Variants in CALCR observed in about 807,000 individuals in gnomAD.
CALCR encodes the protein calcitonin receptor.
A neutral mutation model predicts 59.5 loss-of-function variants in CALCR; 47 were observed. The ratio of observed to expected loss-of-function variants is 0.79; its 90% CI spans 0.63 to 1.01. The LOEUF (loss-of-function observed/expected upper bound fraction) is 1.01. Ranked by LOEUF, CALCR falls within the 50% of genes least tolerant of loss-of-function variation. The pLI is 0.00. For missense variants in CALCR, 566 were observed against 597.1 expected (o/e 0.95, Z 0.54); for synonymous variants, 213 against 211.3 (o/e 1.01, Z -0.07).
chr7:93,452,394 G>C (rs1414845652), intron 8 of CALCR, among the ~76,000 whole-genome samples: 3 of 151,920 alleles, frequency 2.0e-5, no homozygotes, highest in Non-Finnish European at 2.9e-5. Context: ...CAGTTCAGTT[G>C]ATAAACTAAG....
At chr7:93,475,493 C>A (rs948971594) in intron 5 of CALCR, among the ~76,000 whole-genome samples, 3 of 150,954 alleles carry the variant, frequency 2.0e-5, no homozygotes, top group African/African-American at 7.3e-5. Flanking sequence ...AGCTTACTTG[C>A]AATTTTTAAA....
intron 2 of CALCR, among the ~76,000 whole-genome samples, chr7:93,505,300 T>G (rs1025883208): frequency 1.4e-4 from 22 of 152,188 alleles, no homozygotes; most frequent in African/African-American, 5.3e-4. Flanking sequence ...AGGAAGAGTT[T>G]GATACATTGG....
intron 2 of CALCR, among the ~76,000 whole-genome samples, chr7:93,572,898 C>T (rs1790039226): frequency 2.0e-5 from 3 of 152,140 alleles, no homozygotes; most frequent in Admixed American, 2.0e-4. Context: ...AAACTTAGAA[C>T]ATTTTATAAT....
chr7:93,496,063 G>C (rs1193002202), intron 2 of CALCR: 1 of 658,362 alleles, frequency 1.5e-6, no homozygotes, highest in Non-Finnish European at 2.5e-6. Context: ...TACTTGAAAA[G>C]CAAAGTTAAA....
intron 2 of CALCR, among the ~76,000 whole-genome samples, chr7:93,564,417 C>T (rs1399515976): frequency 6.6e-6 from 1 of 151,772 alleles, no homozygotes; most frequent in Non-Finnish European, 1.5e-5. Flanking sequence ...GACTCAAACA[C>T]ATTTGATCAA....
intron 2 of CALCR, among the ~76,000 whole-genome samples, chr7:93,522,523 A>C (rs1584604538): frequency 6.6e-6 from 1 of 152,170 alleles, no homozygotes; most frequent in African/African-American, 2.4e-5. Flanking sequence ...TTTCATGCAA[A>C]TTTTTAGGTG....
At chr7:93,568,168 C>A (rs1020195246) in intron 2 of CALCR, among the ~76,000 whole-genome samples, 6 of 152,078 alleles carry the variant, frequency 3.9e-5, no homozygotes, top group African/African-American at 1.4e-4. Flanking sequence ...CAAGGGATAT[C>A]AATCATGATG....
At chr7:93,540,254 C>T (rs757559695) in intron 2 of CALCR, among the ~76,000 whole-genome samples, 1 of 152,148 alleles carries the variant, frequency 6.6e-6, no homozygotes, top group Non-Finnish European at 1.5e-5. Flanking sequence ...AGTAGGAAGA[C>T]AGCAGTCAAT....
intron 2 of CALCR, among the ~76,000 whole-genome samples, chr7:93,539,454 G>A (rs6962312): frequency 1.3e-5 from 2 of 151,516 alleles, no homozygotes; most frequent in Non-Finnish European, 2.9e-5. Flanking sequence ...ACTGAGAAAC[G>A]TAAATCATTG....
Position 93,425,332 on chromosome 7 carries a change from CTTTT to C in CALCR, c.*1020_*1023del, listed in dbSNP as rs1272300003. 6.6e-6 allele frequency: 1 copy of C among 152,542 alleles called. No individual in the cohort carries two copies. The highest frequency in any genetic ancestry group is 1.5e-5 in the Non-Finnish European group (1 of 68,012). The allele number at this position is 152,542 out of a possible 1,614,324, so 9.4% of individuals were successfully genotyped here. ...GGATCTTCCTGGAAAAGCCTGAGCT[CTTTT>C]TAAGCTTTGAAGCTGGGTGGAAAGC... On this transcript the variant is annotated 3_prime_UTR_variant, in exon 14 of 14. Transcript: ENST00000426151.
intron 8 of CALCR, among the ~76,000 whole-genome samples, chr7:93,458,558 T>C (rs1800253995): frequency 6.6e-6 from 1 of 152,142 alleles, no homozygotes; most frequent in African/African-American, 2.4e-5. Flanking sequence ...TGGTTTCTGG[T>C]TGAGCTCAGC....
chr7:93,498,945 A>T (rs1801266287), intron 2 of CALCR, among the ~76,000 whole-genome samples: 1 of 151,680 alleles, frequency 6.6e-6, no homozygotes. Flanking sequence ...ATGGAAAAAA[A>T]AATAGTGGGC....
At chr7:93,477,258 T>C (rs1800685503) in intron 5 of CALCR, among the ~76,000 whole-genome samples, 1 of 151,812 alleles carries the variant, frequency 6.6e-6, no homozygotes, top group Admixed American at 6.6e-5. Context: ...AGTGAGACAA[T>C]TGAAAAATTT....
At chr7:93,503,537 G>C (rs1801366439) in intron 2 of CALCR, among the ~76,000 whole-genome samples, 3 of 152,104 alleles carry the variant, frequency 2.0e-5, no homozygotes, top group Admixed American at 2.0e-4. Flanking sequence ...GATTTGATTT[G>C]ATTTGATTTT....
intron 2 of CALCR, among the ~76,000 whole-genome samples, chr7:93,524,032 C>T (rs141912046): frequency 0.011 from 1,700 of 151,916 alleles, 12 homozygotes; most frequent in Non-Finnish European, 0.016. Flanking sequence ...CTACTTTCAT[C>T]CTTAAATATG....
intron 2 of CALCR, among the ~76,000 whole-genome samples, chr7:93,535,855 CA>C (rs1172931276): frequency 6.6e-6 from 1 of 151,688 alleles, no homozygotes; most frequent in African/African-American, 2.4e-5. Context: ...TTGGAATTAC[CA>C]AACAAAACTG....
rs7790825 is a variant in CALCR, at chr7:93,434,532, A to T, written c.1150-238T>A. Among the ~76,000 whole-genome samples, 105,116 of 151,848 alleles carry T rather than the reference A, an allele frequency of 0.69. 37,368 individuals are homozygous for T. The highest frequency in any genetic ancestry group is 0.89 in the East Asian group (4,571 of 5,158). On this transcript the variant is annotated intron_variant, in intron 12 of 13. Coordinates refer to ENST00000426151, the MANE Select transcript of CALCR (RefSeq NM_001742.4). The stretch of plus-strand genomic sequence containing the variant: ...ACGGATTAATATTTTGCTAATCTAA[A>T]TAATATTTTGCTCCCTTTAACATGG...
At chr7:93,441,824 C>A (rs2115721470) in intron 9 of CALCR, among the ~76,000 whole-genome samples, 1 of 152,238 alleles carries the variant, frequency 6.6e-6, no homozygotes, top group Admixed American at 6.5e-5. Flanking sequence ...GGAGGGTTCA[C>A]AATCACTAGA....
chr7:93,531,704 A>C lies in CALCR; in HGVS notation c.-27+42585T>G, dbSNP rs75881882. ...TCATCCTTATACTAGTTTCCATGTC[A>C]ACAATGCCAACTGTGAACGCTACTT... On this transcript the variant is annotated intron_variant, in intron 2 of 13. Transcript: ENST00000426151. Among the ~76,000 whole-genome samples the C allele has an allele frequency of 4.6e-3, 700 of 152,210 alleles. 4 individuals carry two copies. The highest frequency in any genetic ancestry group is 0.016 in the African/African-American group (660 of 41,538).
Sources: allele counts gnomAD v4.1 joint callset (sites outside exome capture counted in the v4.1 genomes callset), GRCh38; gene constraint gnomAD v4.1.1; transcripts MANE v1.5; gene names NCBI Gene and HGNC (gene_info 2026-07-23, HGNC 2026-07-21).